The following DDX60 variants were observed in gnomAD, a reference collection of about 807,000 sequenced individuals.
DDX60 encodes probable ATP-dependent RNA helicase DDX60.
Under a neutral mutation model 212.8 loss-of-function variants are expected in DDX60, and 165 were observed. The observed-to-expected ratio is 0.78, with a 90% CI of 0.68 to 0.88. The LOEUF (loss-of-function observed/expected upper bound fraction) is 0.88. Ranked by LOEUF, DDX60 falls within the 40% of genes least tolerant of loss-of-function variation. The pLI is 0.00. For missense variants in DDX60, 1,905 were observed against 2,003.9 expected, an observed-to-expected ratio of 0.95 and a Z score of 0.94; for synonymous variants, 703 against 685.3, an observed-to-expected ratio of 1.03 and a Z score of -0.40.
At chr4:168,279,553 T>C (rs1735497906) in intron 14 of DDX60, among the ~76,000 whole-genome samples, 1 of 152,178 alleles carries the variant, frequency 6.6e-6, no homozygotes, top group African/African-American at 2.4e-5. Context: ...AATGGATTAA[T>C]TAAACCCAAA....
chr4:168,262,488 G>A (rs1246239919), intron 23 of DDX60, among the ~76,000 whole-genome samples, 195 bp downstream of exon 23: 3 of 151,322 alleles, frequency 2.0e-5, no homozygotes, highest in Non-Finnish European at 4.4e-5. Context: ...AATATTCTCA[G>A]GAATTAAATA....
chr4:168,270,944 C>G (rs1390152264), intron 19 of DDX60, among the ~76,000 whole-genome samples: 1 of 129,632 alleles, frequency 7.7e-6, no homozygotes, highest in Non-Finnish European at 1.5e-5. Flanking sequence ...GTGGTACGAT[C>G]TTGGCTCACT....
chr4:168,224,864 A>C (rs1488464413), intron 34 of DDX60, among the ~76,000 whole-genome samples: 5 of 151,988 alleles, frequency 3.3e-5, no homozygotes, highest in Non-Finnish European at 2.9e-5. Flanking sequence ...TTTGTAATTG[A>C]GGCATAATAT....
At chr4:168,248,719 C>T (rs551703885) in intron 28 of DDX60, among the ~76,000 whole-genome samples, 2 of 152,198 alleles carry the variant, frequency 1.3e-5, no homozygotes, top group South Asian at 4.1e-4. Context: ...ATTGTATCCA[C>T]AGCATCCGTA....
chr4:168,238,404 G>A (rs1212853896), intron 30 of DDX60, among the ~76,000 whole-genome samples: 1 of 124,724 alleles, frequency 8.0e-6, no homozygotes, highest in Admixed American at 8.6e-5. Context: ...GAAAGGGAGG[G>A]GAGGGGAGGA....
rs922416216 is a variant in DDX60 at position 168,285,051 on chromosome 4, G to C, written c.1446-116C>G. The C allele has an allele frequency of 1.7e-5, 10 of 586,778 alleles. No individual in the cohort carries two copies. In the Admixed American group the frequency reaches 1.7e-4, roughly 10 times the overall value. The allele number at this position is 586,778 out of a possible 1,614,324, so 36.3% of individuals were successfully genotyped here. ...GTTCCCCTTCTTCTTTCTGCAATAT[G>C]ATGTGGGTGGTAGACTCCAAACAGC... On this transcript the variant is annotated intron_variant, in intron 11 of 37. Transcript: ENST00000393743.
upstream of DDX60, among the ~76,000 whole-genome samples, chr4:168,322,808 C>T (rs988410515): frequency 1.3e-5 from 2 of 152,156 alleles, no homozygotes; most frequent in Admixed American, 1.3e-4. Flanking sequence ...CACACAGGGC[C>T]ACACCGGGAT....
intron 30 of DDX60, among the ~76,000 whole-genome samples, chr4:168,244,978 A>G (rs72693124): frequency 0.036 from 5,476 of 152,262 alleles, 137 homozygotes; most frequent in Non-Finnish European, 0.054. Context: ...GCAAATAACA[A>G]AGATACAATT....
intron 10 of DDX60, 86 bp downstream of exon 10, chr4:168,286,962 T>C (rs372210433): frequency 6.0e-6 from 6 of 992,894 alleles, no homozygotes; most frequent in African/African-American, 5.0e-5. Flanking sequence ...AAATTATTTA[T>C]ACTTGCAGCA....
intron 9 of DDX60, among the ~76,000 whole-genome samples, chr4:168,287,449 C>T (rs974355658): frequency 2.0e-5 from 3 of 152,130 alleles, no homozygotes; most frequent in Admixed American, 2.0e-4. Context: ...CATTAACCCA[C>T]AAACGCATCG....
At chr4:168,268,693 C>T (rs941248972) in intron 20 of DDX60, among the ~76,000 whole-genome samples, 161 bp downstream of exon 20, 3 of 151,838 alleles carry the variant, frequency 2.0e-5, no homozygotes, top group South Asian at 4.2e-4. Flanking sequence ...TCCTCAACTA[C>T]GGCCAGGAGG....
chr4:168,220,425 T>G, intron 37 of DDX60: 1 of 341,994 alleles, frequency 2.9e-6, no homozygotes, highest in Non-Finnish European at 5.3e-6. Flanking sequence ...GAGACTCTAG[T>G]CTGGATGAAA....
In DDX60 at chr4:168,262,790, G is replaced by T; in HGVS notation, c.3040-3C>A. 6.4e-7 allele frequency: 1 copy of T among 1,566,754 alleles called. No individual in the cohort carries two copies. On this transcript the variant is annotated splice_region_variant and splice_polypyrimidine_tract_variant and intron_variant, in intron 22 of 37. Coordinates refer to ENST00000393743, the MANE Select transcript of DDX60 (RefSeq NM_017631.6). ...GGAGGGAATCCATACCTTTCAATCT[G>T]TTTAAAATAAAATTAAAATTTTTAC...
At chr4:168,311,234 A>G in intron 2 of DDX60, 22 bp downstream of exon 2, 1 of 1,610,706 alleles carries the variant, frequency 6.2e-7, no homozygotes. Context: ...ATAATCTATA[A>G]ATATTTTAAG....
Position 168,308,115 on chromosome 4 carries a change from C to T in DDX60, c.155G>A (p.Cys52Tyr), listed in dbSNP as rs1273601931. The T allele has an allele frequency of 1.9e-6, 3 of 1,608,830 alleles. No individual in the cohort carries two copies. Among genetic ancestry groups the T allele is most frequent in the South Asian group, 1.1e-5 (1 of 90,430 alleles). ...DGDSLLITCI[C>Y]EISFKPGQNL... ...CTGCCCAGGCTTAAATGATATCTCA[C>T]AGATACATGTGATAAGTAATGAATC... Residue 52 changes from cysteine (C) to tyrosine (Y), a missense_variant, in exon 4 of 38, where the codon TGT becomes TAT. Transcript: ENST00000393743.
Position 168,283,495 on chromosome 4 carries a change from G to A in DDX60, c.1673C>T (p.Thr558Ile). ...TVSSKIIVTQ[T>I]IKSKKDFSGP... ...ACTAAAATCCTTCTTTGACTTAATA[G>A]TTTGAGTCACGATGATTTTCGAAGA... The change falls in exon 13 of 38, where the codon ACT becomes ATT. Residue 558 changes from threonine to isoleucine, a missense_variant. Coordinates refer to ENST00000393743, the MANE Select transcript of DDX60 (RefSeq NM_017631.6). The A allele has an allele frequency of 6.2e-7, 1 of 1,613,444 alleles. No homozygotes were observed. The highest frequency in any genetic ancestry group is 8.5e-7 in the Non-Finnish European group (1 of 1,179,608).
intron 6 of DDX60, among the ~76,000 whole-genome samples, chr4:168,301,381 G>A (rs931290525): frequency 3.9e-5 from 6 of 151,918 alleles, no homozygotes; most frequent in African/African-American, 1.5e-4. Context: ...GGTGGGGCAG[G>A]GAAAATACAA....
At chr4:168,251,135 T>C in intron 27 of DDX60, 29 bp from the exon 28 acceptor site, 1 of 1,571,282 alleles carries the variant, frequency 6.4e-7, no homozygotes, top group East Asian at 2.3e-5. Context: ...TTAGGGATTA[T>C]GATTTAATTT....
At chr4:168,284,442 G>GA (rs1469509128) in intron 12 of DDX60, among the ~76,000 whole-genome samples, 1 of 152,186 alleles carries the variant, frequency 6.6e-6, no homozygotes, top group Non-Finnish European at 1.5e-5. Context: ...CCCTGAGCAT[G>GA]AAGGCAGATA....
Sources: gnomAD v4.1 joint callset for allele counts (sites outside exome capture counted in the v4.1 genomes callset) on GRCh38, gnomAD v4.1.1 for gene constraint, MANE v1.5 for transcripts, NCBI Gene and HGNC (gene_info 2026-07-23, HGNC 2026-07-21) for gene names.